TRIO: variants seen among roughly 807,000 people sequenced by gnomAD.
The protein encoded by TRIO is triple functional domain protein.
Under a neutral mutation model 351.9 loss-of-function variants are expected in TRIO, and 58 were observed. The ratio of observed to expected loss-of-function variants is 0.16; its 90% confidence interval spans 0.13 to 0.21. The LOEUF is 0.21. Among genes scored for constraint, TRIO ranks in the 10% least tolerant of loss-of-function variants. The pLI, the probability that TRIO is intolerant of heterozygous loss-of-function variation, is 1.00. For missense variants in TRIO, 3,201 were observed against 4,027.8 expected (o/e 0.79, Z 5.56); for synonymous variants, 1,758 against 1,595.7 (o/e 1.10, Z -2.42).
At chr5:14,488,640 C>T (rs138642199) in intron 48 of TRIO, 21 of 516,012 alleles carry the variant, frequency 4.1e-5, no homozygotes, top group Admixed American at 6.4e-5. Context: ...GAAACCTGTA[C>T]ACTTTAAGCT....
At position 14,304,483 on chromosome 5, in the gene TRIO, G is replaced by C; in HGVS notation, c.1391G>C (p.Trp464Ser). Reference protein sequence around the residue: ...AEKYMSNVDSWCKACGEVDLP... With the variant: ...AEKYMSNVDSSCKACGEVDLP... ...AAGTATATGAGCAACGTGGATTCATGGTGTAAAGCTTGCGGTGAGGTAGAC... is the reference window on the plus strand; with the variant it reads ...AAGTATATGAGCAACGTGGATTCATCGTGTAAAGCTTGCGGTGAGGTAGAC... Residue 464 changes from tryptophan (W) to serine (S), a missense_variant, in exon 8 of 57, where the codon TGG becomes TCG. Physicochemically the swap from Trp to Ser is radical, Grantham distance 177. Coordinates refer to ENST00000344204, the MANE Select transcript of TRIO (RefSeq NM_007118.4). 6.2e-7 allele frequency: 1 copy of C among 1,612,434 alleles called. No homozygotes were observed. Among genetic ancestry groups the C allele is most frequent in the Non-Finnish European group, 8.5e-7 (1 of 1,179,688 alleles).
Position 14,287,009 on chromosome 5 carries a change from C to T in TRIO, c.486C>T (p.Asp162=). The change falls in exon 4 of 57, where the codon GAC becomes GAT. Residue 162 remains aspartate (D), a synonymous_variant. Transcript: ENST00000344204. The stretch of plus-strand genomic sequence containing the variant: ...ATGTGGCCCTGATCATCAAGCCAGA[C>T]AACTTCTGGCAGAAACAGAGGACTA... ...CIHVALIIKP[D]NFWQKQRTNF... is the part of the protein sequence containing the mutation. 6.2e-7 allele frequency: 1 copy of T among 1,614,178 alleles called. No individual in the cohort carries two copies. The highest frequency in any genetic ancestry group is 8.5e-7 in the Non-Finnish European group (1 of 1,180,032).
At chr5:14,441,791 ACT>A (rs1402488082) in intron 34 of TRIO, among the ~76,000 whole-genome samples, 3 of 152,142 alleles carry the variant, frequency 2.0e-5, no homozygotes, top group African/African-American at 4.8e-5. Flanking sequence ...ACATATTTAG[ACT>A]CTGGCTCTCC....
At chr5:14,346,151 ATTTG>A (rs928621804) in intron 11 of TRIO, among the ~76,000 whole-genome samples, 3 of 152,262 alleles carry the variant, frequency 2.0e-5, no homozygotes, top group Admixed American at 6.5e-5. Context: ...TTTTGTTATC[ATTTG>A]TTTGTTTTCC....
chr5:14,312,567 G>A (rs1739023457), intron 8 of TRIO, among the ~76,000 whole-genome samples: 1 of 152,164 alleles, frequency 6.6e-6, no homozygotes, highest in African/African-American at 2.4e-5. Context: ...AATTATTATA[G>A]GAAAGTCCTG....
At chr5:14,373,371 G>A (rs56664186) in intron 18 of TRIO, among the ~76,000 whole-genome samples, 5,097 of 152,226 alleles carry the variant, frequency 0.033, 313 homozygotes, top group African/African-American at 0.12. Context: ...CAACCCCAAA[G>A]CCCTGACCAT....
chr5:14,217,593 A>G (rs1187694413), intron 1 of TRIO, among the ~76,000 whole-genome samples: 1 of 152,234 alleles, frequency 6.6e-6, no homozygotes, highest in African/African-American at 2.4e-5. Context: ...TTTCTGATTT[A>G]TAGGAAGATT....
At chr5:14,384,820 G>A (rs1746397154) in intron 21 of TRIO, among the ~76,000 whole-genome samples, 1 of 151,752 alleles carries the variant, frequency 6.6e-6, no homozygotes. Context: ...TCCACCATAA[G>A]GAACATCTAA....
At position 14,487,648 on chromosome 5, in the gene TRIO, G is replaced by T; in HGVS notation, c.7020G>T (p.Arg2340=). Reference sequence around the variant, plus strand: ...GCACGAGCAGGAGCCGGCCCTCCCGGATCCCCCAGCCTGTCCGACACCACC... The same window carrying T: ...GCACGAGCAGGAGCCGGCCCTCCCGTATCCCCCAGCCTGTCCGACACCACC... ...APSTSRSRPS[R]IPQPVRHHPP... The change falls in exon 48 of 57, where the codon CGG becomes CGT. Residue 2340 remains arginine, a synonymous_variant. Coordinates refer to ENST00000344204, the MANE Select transcript of TRIO (RefSeq NM_007118.4). 7.8e-7 allele frequency: 1 copy of T among 1,275,526 alleles called. No homozygotes were observed. The highest frequency in any genetic ancestry group is 1.0e-6 in the Non-Finnish European group (1 of 1,000,546). 79.0% of individuals were successfully genotyped at this position (1,275,526 alleles called of 1,614,324 possible).
intron 1 of TRIO, among the ~76,000 whole-genome samples, chr5:14,210,666 GAAAT>G (rs1791832002): frequency 6.6e-6 from 1 of 152,124 alleles, no homozygotes; most frequent in African/African-American, 2.4e-5. Flanking sequence ...AAAGAAAAAG[GAAAT>G]AAATTTTTAT....
At chr5:14,325,366 GC>G (rs1439377757) in intron 9 of TRIO, among the ~76,000 whole-genome samples, 2 of 152,218 alleles carry the variant, frequency 1.3e-5, no homozygotes, top group African/African-American at 4.8e-5. Flanking sequence ...TTCTGGGGAG[GC>G]CTCAGGCTGC....
chr5:14,145,976 T>C (rs1357284787), intron 1 of TRIO, among the ~76,000 whole-genome samples: 4 of 152,230 alleles, frequency 2.6e-5, no homozygotes. Flanking sequence ...CTTAACTTTT[T>C]AGTTGTTTCA....
chr5:14,240,069 C>G (rs993649279), intron 1 of TRIO, among the ~76,000 whole-genome samples: 2 of 152,204 alleles, frequency 1.3e-5, no homozygotes, highest in Admixed American at 1.3e-4. Flanking sequence ...GCCTGACTTT[C>G]CTTCCTTTGC....
intron 2 of TRIO, among the ~76,000 whole-genome samples, chr5:14,276,914 A>G (rs1735568290): frequency 6.6e-6 from 1 of 152,230 alleles, no homozygotes; most frequent in African/African-American, 2.4e-5. Context: ...TAAGTGTCAC[A>G]CAGACATGTA....
chr5:14,314,534 A>G (rs1356599782), intron 8 of TRIO, among the ~76,000 whole-genome samples: 2 of 150,828 alleles, frequency 1.3e-5, no homozygotes, highest in Admixed American at 6.5e-5. Flanking sequence ...AAGAAAACCA[A>G]ACACTGTCTT....
At chr5:14,455,335 T>C (rs1177354250) in intron 34 of TRIO, among the ~76,000 whole-genome samples, 1 of 152,232 alleles carries the variant, frequency 6.6e-6, no homozygotes, top group Non-Finnish European at 1.5e-5. Context: ...TTACAATCCC[T>C]GAGCTAGACA....
Position 14,363,737 on chromosome 5 carries a change from C to T in TRIO, c.2397C>T (p.Ile799=). 6.2e-7 allele frequency: 1 copy of T among 1,613,368 alleles called. No homozygotes were observed. The highest frequency in any genetic ancestry group is 8.5e-7 in the Non-Finnish European group (1 of 1,179,528). ...RIFERDAIDI[I]SDLESWNDEL... The stretch of plus-strand genomic sequence containing the variant: ...TCTTAAATACCTTCTTTCAGATTAT[C>T]TCAGACCTCGAGTCTTGGAATGATG... The change falls in exon 14 of 57, where the codon ATC becomes ATT. Residue 799 remains isoleucine, a synonymous_variant. Transcript: ENST00000344204.
At chr5:14,442,332 G>A (rs900504653) in intron 34 of TRIO, among the ~76,000 whole-genome samples, 1 of 152,178 alleles carries the variant, frequency 6.6e-6, no homozygotes, top group African/African-American at 2.4e-5. Flanking sequence ...AGTTCATTAA[G>A]AGCTCTATGG....
chr5:14,450,208 T>C (rs1343496297), intron 34 of TRIO, among the ~76,000 whole-genome samples: 2 of 152,248 alleles, frequency 1.3e-5, no homozygotes, highest in African/African-American at 4.8e-5. Context: ...TGAGTGGTGA[T>C]GAGGCCATTC....
Sources: allele counts gnomAD v4.1 joint callset (sites outside exome capture counted in the v4.1 genomes callset), GRCh38; gene constraint gnomAD v4.1.1; transcripts MANE v1.5; gene names NCBI Gene and HGNC (gene_info 2026-07-23, HGNC 2026-07-21).